Variants in CAMK2D observed in about 807,000 individuals in gnomAD.
CAMK2D encodes the protein calcium/calmodulin dependent protein kinase II delta, also known as calcium/calmodulin-dependent protein kinase type II subunit delta.
In CAMK2D, 37 loss-of-function variants were observed where a neutral mutation model predicts 84.0. The ratio of observed to expected loss-of-function variants is 0.44; its 90% CI spans 0.34 to 0.58. CAMK2D has a LOEUF of 0.58. Among genes scored for constraint, CAMK2D ranks in the 20% least tolerant of loss-of-function variants. CAMK2D has a pLI of 0.02. For synonymous variants in CAMK2D, 202 were observed against 212.5 expected (o/e 0.95, Z 0.43); for missense variants, 448 against 652.5 (o/e 0.69, Z 3.41).
chr4:113,717,154 T>C (rs1292931434), intron 2 of CAMK2D, among the ~76,000 whole-genome samples: 1 of 152,144 alleles, frequency 6.6e-6, no homozygotes, highest in Non-Finnish European at 1.5e-5. Flanking sequence ...GCAATTATCA[T>C]CACAAATTAA....
At chr4:113,496,051 G>A (rs1194835605) in intron 16 of CAMK2D, among the ~76,000 whole-genome samples, 1 of 152,154 alleles carries the variant, frequency 6.6e-6, no homozygotes, top group Non-Finnish European at 1.5e-5. Flanking sequence ...AGGCATTGCG[G>A]CATACAGCGA....
At chr4:113,461,899 G>A (rs556647169) in intron 17 of CAMK2D, among the ~76,000 whole-genome samples, 8 of 152,272 alleles carry the variant, frequency 5.3e-5, no homozygotes, top group Middle Eastern at 3.4e-3. Context: ...TGGAACCGGT[G>A]TTATTTAAAG....
At chr4:113,760,214 C>G (rs777125297) in intron 1 of CAMK2D, among the ~76,000 whole-genome samples, 1 of 152,214 alleles carries the variant, frequency 6.6e-6, no homozygotes, top group East Asian at 1.9e-4. Context: ...TGCCTCCTTC[C>G]CTAACATCTC....
chr4:113,716,522 A>G (rs1304702114), intron 2 of CAMK2D, among the ~76,000 whole-genome samples: 3 of 151,832 alleles, frequency 2.0e-5, no homozygotes, highest in Non-Finnish European at 4.4e-5. Context: ...GTGGTGGTGC[A>G]CACCTGTAGT....
At chr4:113,729,480 T>C (rs945298855) in intron 2 of CAMK2D, among the ~76,000 whole-genome samples, 2 of 152,120 alleles carry the variant, frequency 1.3e-5, no homozygotes, top group African/African-American at 4.8e-5. Context: ...TCCTGACCTT[T>C]GCACTTGCCA....
chr4:113,644,710 A>G (rs1474908742), intron 3 of CAMK2D, among the ~76,000 whole-genome samples: 2 of 152,248 alleles, frequency 1.3e-5, no homozygotes, highest in East Asian at 1.9e-4. Context: ...ATCTTCCAGA[A>G]TTAGAGAAAC....
At position 113,531,230 on chromosome 4, in the gene CAMK2D, T is replaced by G. The variant is rs1560757077; in HGVS notation, c.587A>C (p.Asp196Ala). 2 of 1,586,366 alleles carry G rather than the reference T, an allele frequency of 1.3e-6. No homozygotes were observed. ...TAATTGCTTACCACATGCCCACATA[T>G]CCACTGGCTTTCCATAAGGATCTTT... ...LRKDPYGKPV[D>A]MWACGVILYI... Residue 196 changes from aspartate (D) to alanine (A), a missense_variant, in exon 8 of 21, where the codon GAT becomes GCT. By Grantham distance (126) the Asp-to-Ala change is moderately radical. Transcript: ENST00000511664.
intron 4 of CAMK2D, among the ~76,000 whole-genome samples, chr4:113,564,163 A>G (rs2098711770): frequency 6.6e-6 from 1 of 152,176 alleles, no homozygotes; most frequent in African/African-American, 2.4e-5. Flanking sequence ...GCTCAGTTTC[A>G]AGGTATCAGT....
In CAMK2D at chr4:113,455,733, A is replaced by T; in HGVS notation, c.*22T>A. On this transcript the variant is annotated 3_prime_UTR_variant, in exon 20 of 21. Coordinates refer to ENST00000511664, the MANE Select transcript of CAMK2D (RefSeq NM_001321571.2). ...GAGCAGGATGTTACTTACAAGACCC[A>T]TATGTGAATGGTTTTCAGGCCTTAG... 6.3e-7 allele frequency: 1 copy of T among 1,589,952 alleles called. No individual in the cohort carries two copies. Among genetic ancestry groups the T allele is most frequent in the Non-Finnish European group, 8.6e-7 (1 of 1,158,594 alleles).
At chr4:113,631,968 C>A (rs2099091584) in intron 3 of CAMK2D, among the ~76,000 whole-genome samples, 1 of 152,070 alleles carries the variant, frequency 6.6e-6, no homozygotes, top group African/African-American at 2.4e-5. Context: ...TAGATACAAG[C>A]CTGCTTTGGT....
At chr4:113,679,143 T>C (rs56249002) in intron 2 of CAMK2D, among the ~76,000 whole-genome samples, 23,852 of 152,000 alleles carry the variant, frequency 0.16, 2,210 homozygotes, top group African/African-American at 0.26. Context: ...TGCAATAACA[T>C]TGTTAAGAGC....
intron 2 of CAMK2D, among the ~76,000 whole-genome samples, chr4:113,702,597 A>C (rs1561926532): frequency 6.6e-6 from 1 of 152,174 alleles, no homozygotes. Flanking sequence ...AAATATTCTT[A>C]TTTCAACACG....
At chr4:113,647,218 T>C (rs1038126790) in intron 3 of CAMK2D, among the ~76,000 whole-genome samples, 6 of 152,250 alleles carry the variant, frequency 3.9e-5, no homozygotes, top group Non-Finnish European at 7.3e-5. Context: ...TTCTGATGAA[T>C]AGATTTATAA....
At chr4:113,589,988 T>G (rs1179074401) in intron 4 of CAMK2D, among the ~76,000 whole-genome samples, 1 of 152,186 alleles carries the variant, frequency 6.6e-6, no homozygotes, top group East Asian at 1.9e-4. Context: ...ACCTCTATGA[T>G]ATTTTGAATA....
At chr4:113,518,803 T>A (rs918901135) in intron 8 of CAMK2D, among the ~76,000 whole-genome samples, 2 of 152,190 alleles carry the variant, frequency 1.3e-5, no homozygotes, top group African/African-American at 4.8e-5. Flanking sequence ...GACATCTTTA[T>A]ACAATAGACA....
Position 113,664,264 on chromosome 4 carries a change from T to G in CAMK2D, c.161-2492A>C, listed in dbSNP as rs139604796. On this transcript the variant is annotated intron_variant, in intron 2 of 20. Transcript: ENST00000511664. ...CAAACTAATACATCTAATGTATCAG[T>G]TTTCTATTGCTATGTGTCCAACACC... 2.4e-4 allele frequency among the ~76,000 whole-genome samples: 37 copies of G among 152,292 alleles called. No homozygotes were observed. In the East Asian group the frequency reaches 6.7e-3, roughly 28 times the overall value.
At chr4:113,550,674 A>G (rs1464718470) in intron 5 of CAMK2D, among the ~76,000 whole-genome samples, 1 of 152,214 alleles carries the variant, frequency 6.6e-6, no homozygotes, top group Admixed American at 6.5e-5. Context: ...CTAGTTTAGT[A>G]CCTTGATTAA....
chr4:113,716,246 T>C (rs991466397), intron 2 of CAMK2D, among the ~76,000 whole-genome samples: 2 of 151,950 alleles, frequency 1.3e-5, no homozygotes, highest in African/African-American at 4.8e-5. Context: ...GACAGTATTG[T>C]ACAAAAAAAA....
chr4:113,607,754 A>G (rs1161509370), intron 4 of CAMK2D, among the ~76,000 whole-genome samples: 5 of 152,136 alleles, frequency 3.3e-5, no homozygotes, highest in Non-Finnish European at 5.9e-5. Flanking sequence ...AGGTGACTAA[A>G]AAGCGTTACT....
Sources: allele counts gnomAD v4.1 joint callset (sites outside exome capture counted in the v4.1 genomes callset), GRCh38; gene constraint gnomAD v4.1.1; transcripts MANE v1.5; gene names NCBI Gene and HGNC (gene_info 2026-07-23, HGNC 2026-07-21).